Variants in SHTN1 observed in about 807,000 individuals in gnomAD.
SHTN1 encodes the protein shootin-1.
In SHTN1, 42 loss-of-function variants were observed where a neutral mutation model predicts 83.1. The observed-to-expected ratio is 0.51, with a 90% confidence interval of 0.39 to 0.65. SHTN1 has a LOEUF of 0.65. SHTN1 is among the 30% of genes least tolerant of loss of function. The pLI, the probability that SHTN1 is intolerant of heterozygous loss-of-function variation, is 0.00. For missense variants in SHTN1, 622 were observed against 737.8 expected (o/e 0.84, Z 1.82); for synonymous variants, 224 against 247.7 (o/e 0.90, Z 0.90).
upstream of SHTN1, among the ~76,000 whole-genome samples, chr10:117,006,845 T>A (rs1274857125): frequency 1.3e-5 from 2 of 151,880 alleles, no homozygotes; most frequent in Admixed American, 6.6e-5. Context: ...TAGAGTGAGG[T>A]TGAGATATGG....
At chr10:117,100,558 A>G (rs1853575206) in intron 1 of SHTN1, among the ~76,000 whole-genome samples, 1 of 152,188 alleles carries the variant, frequency 6.6e-6, no homozygotes, top group South Asian at 2.1e-4. Context: ...TCATATTGTT[A>G]GCAAAAATCC....
intron 2 of SHTN1, among the ~76,000 whole-genome samples, chr10:116,972,283 T>C (rs1850644639): frequency 6.6e-6 from 1 of 152,188 alleles, no homozygotes; most frequent in Non-Finnish European, 1.5e-5. Flanking sequence ...TTGCTTTCTA[T>C]TTTCTGCAAC....
intron 1 of SHTN1, among the ~76,000 whole-genome samples, chr10:117,050,814 G>A (rs1022017427): frequency 6.6e-6 from 1 of 152,192 alleles, no homozygotes; most frequent in Non-Finnish European, 1.5e-5. Flanking sequence ...AACACTTTGG[G>A]AGGCCAAGGC....
chr10:116,991,515 G>A (rs1400511296), intron 1 of SHTN1, among the ~76,000 whole-genome samples: 1 of 152,164 alleles, frequency 6.6e-6, no homozygotes. Context: ...AGGAGAGAAG[G>A]GAAAGGTGTT....
chr10:117,079,880 G>A (rs1195738905), intron 1 of SHTN1, among the ~76,000 whole-genome samples: 3 of 147,928 alleles, frequency 2.0e-5, no homozygotes, highest in Non-Finnish European at 4.5e-5. Flanking sequence ...TTTTTGATGG[G>A]GTTGTTTGTC....
chr10:116,921,514 G>C lies in SHTN1; in HGVS notation c.1115C>G (p.Ser372Cys). 1 of 1,610,828 alleles carries C rather than the reference G, an allele frequency of 6.2e-7. No individual in the cohort carries two copies. The highest frequency in any genetic ancestry group is 1.3e-5 in the African/African-American group (1 of 74,772). ...TCGTTTCCGGATCATGGACATGAGG[G>C]ATCTTTGGGAGAAAGAAAAAGATCA... Reference protein sequence around the residue: ...LPPPPPNPIRSLMSMIRKRSH... With the variant: ...LPPPPPNPIRCLMSMIRKRSH... Residue 372 changes from serine to cysteine, a missense_variant and splice_region_variant, in exon 12 of 17, where the codon TCC becomes TGC. By Grantham distance (112) the Ser-to-Cys change is moderately radical (BLOSUM62 -1). Transcript: ENST00000355371.
intron 14 of SHTN1, among the ~76,000 whole-genome samples, chr10:116,908,407 C>G (rs980884186): frequency 2.0e-5 from 3 of 152,026 alleles, no homozygotes; most frequent in African/African-American, 7.3e-5. Flanking sequence ...GTAGAAGAGT[C>G]ACACCATAAG....
chr10:117,090,511 C>A (rs1324133198), intron 1 of SHTN1, among the ~76,000 whole-genome samples: 1 of 152,162 alleles, frequency 6.6e-6, no homozygotes, highest in Non-Finnish European at 1.5e-5. Flanking sequence ...CTTAACACTA[C>A]TAAACTGTAC....
At chr10:117,034,821 A>G (rs1852472562) in intron 2 of SHTN1, among the ~76,000 whole-genome samples, 1 of 152,198 alleles carries the variant, frequency 6.6e-6, no homozygotes, top group Non-Finnish European at 1.5e-5. Flanking sequence ...TGGTGAAATA[A>G]ATTGAAGAGG....
At chr10:116,986,806 G>C (rs1339232493) in intron 1 of SHTN1, among the ~76,000 whole-genome samples, 1 of 139,908 alleles carries the variant, frequency 7.1e-6, no homozygotes, top group Non-Finnish European at 1.5e-5. Context: ...TCGGCTCACT[G>C]CAACTTCTGC....
At chr10:117,001,401 T>C (rs1252907000) in intron 1 of SHTN1, among the ~76,000 whole-genome samples, 1 of 152,176 alleles carries the variant, frequency 6.6e-6, no homozygotes, top group East Asian at 1.9e-4. Context: ...AAATTAGAGA[T>C]TGTTCATATT....
intron 9 of SHTN1, among the ~76,000 whole-genome samples, chr10:116,932,778 G>A (rs904107016): frequency 6.6e-6 from 1 of 152,138 alleles, no homozygotes; most frequent in African/African-American, 2.4e-5. Flanking sequence ...TATACAAAGA[G>A]TATAACAGTT....
upstream of SHTN1, chr10:117,005,322 G>A (rs949121107): frequency 6.7e-6 from 9 of 1,346,866 alleles, no homozygotes; most frequent in South Asian, 3.3e-5. Context: ...TCCCGTTCAG[G>A]GGGTGGAGGA....
At chr10:117,033,237 A>G (rs1852446275) in intron 2 of SHTN1, among the ~76,000 whole-genome samples, 1 of 152,152 alleles carries the variant, frequency 6.6e-6, no homozygotes. Flanking sequence ...CAAAAGATTG[A>G]TGAAACAAAA....
intron 10 of SHTN1, 31 bp from the exon 11 acceptor site, chr10:116,927,922 CTG>C: frequency 1.9e-6 from 3 of 1,609,568 alleles, no homozygotes; most frequent in Non-Finnish European, 2.5e-6. Flanking sequence ...CAGAAGAGAG[CTG>C]AAATAAGCAA....
intron 1 of SHTN1, among the ~76,000 whole-genome samples, chr10:117,102,499 C>T (rs1258595373): frequency 6.6e-6 from 1 of 152,046 alleles, no homozygotes; most frequent in Non-Finnish European, 1.5e-5. Flanking sequence ...AAATCCAAAC[C>T]ACGACATGCT....
intron 1 of SHTN1, among the ~76,000 whole-genome samples, chr10:117,052,020 A>ATATATATATATATATATATG (rs1280560233): frequency 2.0e-4 from 28 of 137,962 alleles, no homozygotes; most frequent in African/African-American, 7.3e-4. Flanking sequence ...ATATATATAT[A>ATATATATATATATATATATG]TAGAAAAGCC....
intron 2 of SHTN1, among the ~76,000 whole-genome samples, chr10:116,976,202 G>A (rs1850801736): frequency 1.3e-5 from 2 of 151,932 alleles, no homozygotes; most frequent in South Asian, 4.2e-4. Flanking sequence ...AGGGAGATGA[G>A]AGAGCATGGA....
intron 1 of SHTN1, among the ~76,000 whole-genome samples, chr10:117,103,530 C>CTTTTTTTTTTTTTT (rs35229163): frequency 1.3e-5 from 1 of 77,502 alleles, no homozygotes; most frequent in Non-Finnish European, 2.2e-5. Context: ...CCTCCCCTCT[C>CTTTTTTTTTTTTTT]TTTTTTTTTT....
Sources: allele counts gnomAD v4.1 joint callset (sites outside exome capture counted in the v4.1 genomes callset), GRCh38; gene constraint gnomAD v4.1.1; transcripts MANE v1.5; gene names NCBI Gene and HGNC (gene_info 2026-07-23, HGNC 2026-07-21).